Variants in CENPQ observed in about 807,000 individuals in gnomAD.
CENPQ encodes the protein chromosome 6 open reading frame 139.
CENPQ carries 27 observed loss-of-function variants against 36.6 expected under a neutral mutation model. That is an observed-to-expected ratio of 0.74 (90% CI 0.54 to 1.02). CENPQ has a LOEUF of 1.02. CENPQ is among the 50% of genes least tolerant of loss of function. The pLI is 0.00. For synonymous variants in CENPQ, 101 were observed against 101.7 expected (o/e 0.99, Z 0.04); for missense variants, 306 against 301.8 (o/e 1.01, Z -0.10).
intron 6 of CENPQ, among the ~76,000 whole-genome samples, chr6:49,485,437 C>G (rs190467258): frequency 6.6e-6 from 1 of 152,186 alleles, no homozygotes; most frequent in Non-Finnish European, 1.5e-5. Context: ...ATTTCAGAAT[C>G]AGAGTTAGCA....
rs769637888 is a variant in CENPQ, at chr6:49,472,699, G to A, written c.279-91G>A. ...TGATTTTGCCTGGCTAGTGGGGAGG[G>A]GTACTTGAGAGAAATCAGAGAGAAA... On this transcript the variant is annotated intron_variant, in intron 4 of 8. Coordinates refer to ENST00000335783, the MANE Select transcript of CENPQ (RefSeq NM_018132.4). The A allele has an allele frequency of 2.5e-5, 26 of 1,029,172 alleles. No homozygotes were observed. In the Middle Eastern group the frequency reaches 2.3e-3, roughly 92 times the overall value. 63.8% of individuals were successfully genotyped at this position (1,029,172 alleles called of 1,614,324 possible).
At chr6:49,466,109 G>A (rs1031575466) in intron 1 of CENPQ, among the ~76,000 whole-genome samples, 1 of 152,276 alleles carries the variant, frequency 6.6e-6, no homozygotes, top group Admixed American at 6.5e-5. Context: ...TCAGGGAATA[G>A]GGAGGCCTAA....
At position 49,472,565 on chromosome 6, in the gene CENPQ, A is replaced by T. The variant is rs186896186; in HGVS notation, c.279-225A>T. ...ATTGTGGAGCAAATTCTATCAGAAG[A>T]GCCAGGCATGTAACTTATTACAATA... On this transcript the variant is annotated intron_variant, in intron 4 of 8. Coordinates refer to ENST00000335783, the MANE Select transcript of CENPQ (RefSeq NM_018132.4). 3.7e-3 allele frequency among the ~76,000 whole-genome samples: 565 copies of T among 152,300 alleles called. 1 individual carries two copies. The highest frequency in any genetic ancestry group is 0.013 in the African/African-American group (544 of 41,576).
chr6:49,465,503 G>A (rs763738598), intron 1 of CENPQ, among the ~76,000 whole-genome samples: 1 of 152,178 alleles, frequency 6.6e-6, no homozygotes, highest in Non-Finnish European at 1.5e-5. Flanking sequence ...TCCAATAGAA[G>A]GCTGTTTTGT....
At chr6:49,480,180 A>C (rs1768395293) in intron 5 of CENPQ, among the ~76,000 whole-genome samples, 1 of 152,142 alleles carries the variant, frequency 6.6e-6, no homozygotes, top group Non-Finnish European at 1.5e-5. Context: ...GATTTCTTCA[A>C]ATCTTAAGTA....
At chr6:49,476,473 G>A (rs1443184880) in intron 5 of CENPQ, among the ~76,000 whole-genome samples, 1 of 152,118 alleles carries the variant, frequency 6.6e-6, no homozygotes, top group East Asian at 1.9e-4. Context: ...AAAAACCCTA[G>A]AAGAAAACAT....
At chr6:49,473,179 G>C (rs999127601) in intron 5 of CENPQ, among the ~76,000 whole-genome samples, 48 of 152,080 alleles carry the variant, frequency 3.2e-4, no homozygotes, top group African/African-American at 1.1e-3. Context: ...GAAGTTAATA[G>C]TTCACAACTC....
chr6:49,482,424 G>T (rs1182716650), intron 6 of CENPQ, among the ~76,000 whole-genome samples: 4 of 152,174 alleles, frequency 2.6e-5, no homozygotes, highest in Admixed American at 2.6e-4. Context: ...CTGCTGTTGG[G>T]AATTTGCCTG....
Position 49,472,844 on chromosome 6 carries a change from C to A in CENPQ, c.333C>A (p.Asn111Lys), listed in dbSNP as rs2127424421. 2.1e-6 allele frequency: 3 copies of A among 1,443,834 alleles called. No individual in the cohort carries two copies. The highest frequency in any genetic ancestry group is 2.8e-6 in the Non-Finnish European group (3 of 1,064,678). 89.4% of individuals were successfully genotyped at this position (1,443,834 alleles called of 1,614,324 possible). The stretch of plus-strand genomic sequence containing the variant: ...AAGAAGAAATACAATACCATCTCAA[C>A]TTCCTGAAGAAAAGGTAATACTATT... ...KEKEEIQYHL[N>K]FLKKRLLQQC... Residue 111 changes from asparagine to lysine, a missense_variant, in exon 5 of 9, where the codon AAC becomes AAA. Asn to Lys is a moderately conservative substitution (Grantham distance 94). Transcript: ENST00000335783.
Position 49,492,991 on chromosome 6 carries a change from T to A in CENPQ, c.*716T>A, listed in dbSNP as rs1273362508. ...CTTATTATGATAATAAGCTTATATA[T>A]GTGAATAAGTTATAACCTAGTGTAT... On this transcript the variant is annotated 3_prime_UTR_variant, in exon 9 of 9. Transcript: ENST00000335783. The A allele has an allele frequency of 6.6e-6, 1 of 151,762 alleles. No homozygotes were observed. Among genetic ancestry groups the A allele is most frequent in the Non-Finnish European group, 1.5e-5 (1 of 67,924 alleles). 9.4% of individuals were successfully genotyped at this position (151,762 alleles called of 1,614,324 possible). A position where few individuals can be genotyped will look rare whatever the true frequency, so the allele number is the denominator to read the frequency against.
rs754821181 is a variant in CENPQ at position 49,488,701 on chromosome 6, C to T, written c.675+17C>T. 2 of 1,595,350 alleles carry T rather than the reference C, an allele frequency of 1.3e-6. No individual in the cohort carries two copies. Among genetic ancestry groups the T allele is most frequent in the Non-Finnish European group, 1.7e-6 (2 of 1,163,398 alleles). ...ACACTTCAGGTAAGTGCCTATTTACCATATTGATTACAGGCATACTTTAGA... is the reference window on the plus strand; with the variant it reads ...ACACTTCAGGTAAGTGCCTATTTACTATATTGATTACAGGCATACTTTAGA... On this transcript the variant is annotated intron_variant, in intron 8 of 8. Transcript: ENST00000335783.
intron 1 of CENPQ, among the ~76,000 whole-genome samples, chr6:49,468,813 C>A (rs182754533): frequency 7.2e-5 from 11 of 152,304 alleles, no homozygotes; most frequent in African/African-American, 2.4e-4. Context: ...TCAGCTGTTA[C>A]TTGTCCCTTC....
intron 6 of CENPQ, among the ~76,000 whole-genome samples, chr6:49,481,990 G>A (rs796122295): frequency 9.2e-5 from 14 of 152,282 alleles, no homozygotes; most frequent in African/African-American, 3.1e-4. Context: ...CTAAGGCCCG[G>A]CGACAAATTG....
chr6:49,464,934 G>A (rs897562471), intron 1 of CENPQ, among the ~76,000 whole-genome samples: 1 of 152,200 alleles, frequency 6.6e-6, no homozygotes, highest in Non-Finnish European at 1.5e-5. Context: ...AATCATGAAT[G>A]TTCTTACTAG....
At chr6:49,490,270 C>T (rs1044219447) in intron 8 of CENPQ, among the ~76,000 whole-genome samples, 1 of 152,230 alleles carries the variant, frequency 6.6e-6, no homozygotes, top group African/African-American at 2.4e-5. Flanking sequence ...GCACTTGCTG[C>T]TTCACCTTGC....
intron 6 of CENPQ, among the ~76,000 whole-genome samples, chr6:49,487,688 G>GTT (rs1768624166): frequency 6.6e-6 from 1 of 152,094 alleles, no homozygotes. Flanking sequence ...ATATTTGAAA[G>GTT]CAGTGCCATG....
At chr6:49,472,951 GTTTTTC>G in intron 5 of CENPQ, 93 bp downstream of exon 5, 1 of 944,618 alleles carries the variant, frequency 1.1e-6, no homozygotes, top group African/African-American at 1.7e-5. Flanking sequence ...TGGAATGTAA[GTTTTTC>G]TTTTTTTTTA....
chr6:49,468,158 G>T (rs1215079784), intron 1 of CENPQ, among the ~76,000 whole-genome samples: 1 of 151,990 alleles, frequency 6.6e-6, no homozygotes. Flanking sequence ...ACACAGTGTG[G>T]GCTGCAGCAT....
intron 6 of CENPQ, among the ~76,000 whole-genome samples, chr6:49,487,987 G>A: frequency 6.6e-6 from 1 of 152,110 alleles, no homozygotes; most frequent in East Asian, 1.9e-4. Context: ...ACTACATGAA[G>A]TTTTATGCTG....
Sources: gnomAD v4.1 joint callset for allele counts (sites outside exome capture counted in the v4.1 genomes callset) on GRCh38, gnomAD v4.1.1 for gene constraint, MANE v1.5 for transcripts, NCBI Gene and HGNC (gene_info 2026-07-23, HGNC 2026-07-21) for gene names.